SLC29A3: variants seen among roughly 807,000 people sequenced by gnomAD.
SLC29A3 encodes the protein solute carrier family 29 member 3.
In SLC29A3, 18 loss-of-function variants were observed where a neutral mutation model predicts 25.4. The ratio of observed to expected loss-of-function variants is 0.71; its 90% confidence interval spans 0.49 to 1.05. The LOEUF (loss-of-function observed/expected upper bound fraction) is 1.05. Among genes scored for constraint, SLC29A3 ranks in the 50% least tolerant of loss-of-function variants. The probability of loss-of-function intolerance (pLI) is 0.00; values close to 1 mark genes in which losing one functional copy is unlikely to be tolerated. For synonymous variants in SLC29A3, 258 were observed against 267.1 expected, an observed-to-expected ratio of 0.97 and a Z score of 0.33; for missense variants, 586 against 609.0, an observed-to-expected ratio of 0.96 and a Z score of 0.40.
At chr10:71,351,956 A>G (rs1426242205) in intron 4 of SLC29A3, among the ~76,000 whole-genome samples, 168 bp downstream of exon 4, 2 of 152,152 alleles carry the variant, frequency 1.3e-5, no homozygotes, top group Non-Finnish European at 2.9e-5. Context: ...TCTACTACTC[A>G]CAAATTTGCA....
downstream of SLC29A3, among the ~76,000 whole-genome samples, chr10:71,367,809 T>C (rs536146317): frequency 2.1e-4 from 32 of 152,316 alleles, no homozygotes; most frequent in East Asian, 5.2e-3. Context: ...GGCCACAGCA[T>C]AGGGCCAAGG....
intron 2 of SLC29A3, among the ~76,000 whole-genome samples, chr10:71,337,343 A>G (rs1278327587): frequency 6.6e-6 from 1 of 152,232 alleles, no homozygotes; most frequent in African/African-American, 2.4e-5. Flanking sequence ...TGCCCAGGGC[A>G]AGGGCACCTC....
chr10:71,362,959 C>G lies in SLC29A3; in HGVS notation c.*351C>G, dbSNP rs763932995. On this transcript the variant is annotated 3_prime_UTR_variant, in exon 6 of 6. Transcript: ENST00000373189. ...AGTTATTACAAAGCCAGTGCCAAAA[C>G]CCAGCCATGGGCTCTTTGCAACCTC... The G allele has an allele frequency of 4.1e-5, 20 of 491,144 alleles. No homozygotes were observed. The highest frequency in any genetic ancestry group is 3.1e-4 in the South Asian group (20 of 64,812). 30.4% of individuals were successfully genotyped at this position (491,144 alleles called of 1,614,324 possible). A position where few individuals can be genotyped will look rare whatever the true frequency, so the allele number is the denominator to read the frequency against.
exon 5 of SLC29A3, chr10:71,381,005 G>A (rs1847298785): frequency 6.6e-6 from 1 of 152,134 alleles, no homozygotes; most frequent in South Asian, 2.1e-4. Flanking sequence ...GGTCAATCTT[G>A]TTTTATCTCT....
Position 71,356,156 on chromosome 10 carries a change from G to A in SLC29A3, c.686G>A (p.Ser229Asn). ...GCTGCATCCAGTGATGTGAGGAACAGCGCCCTGGCCTTCTTCCTGACGGCC... is the reference window on the plus strand; with the variant it reads ...GCTGCATCCAGTGATGTGAGGAACAACGCCCTGGCCTTCTTCCTGACGGCC... ...DLAASSDVRNSALAFFLTATV... is the reference protein window; with the variant it reads ...DLAASSDVRNNALAFFLTATV... Residue 229 changes from serine to asparagine, a missense_variant, in exon 5 of 6, where the codon AGC (serine) becomes AAC (asparagine). Transcript: ENST00000373189. 1 of 1,614,164 alleles carries A rather than the reference G, an allele frequency of 6.2e-7. No homozygotes were observed. The highest frequency in any genetic ancestry group is 8.5e-7 in the Non-Finnish European group (1 of 1,180,026).
rs1846768370 is a variant in SLC29A3 at position 71,351,732 on chromosome 10, G to A, written c.554G>A (p.Ser185Asn). 1 of 1,614,028 alleles carries A rather than the reference G, an allele frequency of 6.2e-7. No individual in the cohort carries two copies. Among genetic ancestry groups the A allele is most frequent in the Non-Finnish European group, 8.5e-7 (1 of 1,180,046 alleles). ...LSGASTVFSS[S>N]IYGMTGSFPM... ...GGTGCCTCCACTGTCTTCAGCAGCA[G>A]CATCTACGGCATGACCGGCTCCTTT... The change falls in exon 4 of 6, where the codon AGC becomes AAC. Residue 185 changes from serine (S) to asparagine (N), a missense_variant. Physicochemically the swap from Ser to Asn is conservative, Grantham distance 46 (BLOSUM62 1). Coordinates refer to ENST00000373189, the MANE Select transcript of SLC29A3 (RefSeq NM_018344.6).
At chr10:71,378,410 C>T (rs572988268) in intron 4 of SLC29A3, among the ~76,000 whole-genome samples, 2 of 152,096 alleles carry the variant, frequency 1.3e-5, no homozygotes, top group South Asian at 4.1e-4. Context: ...GCCATAGGAG[C>T]GATTTTAGCC....
chr10:71,329,457 C>CGAAA lies in SLC29A3; in HGVS notation c.300+6403_300+6404insGAAA, dbSNP rs3059614. Among the ~76,000 whole-genome samples, 253 of 120,406 alleles carry CGAAA rather than the reference C, an allele frequency of 2.1e-3. 7 individuals are homozygous for CGAAA. Among genetic ancestry groups the CGAAA allele is most frequent in the Non-Finnish European group, 1.9e-3 (104 of 56,000 alleles). 79.0% of individuals were successfully genotyped at this position (120,406 alleles called of 152,430 possible). On this transcript the variant is annotated intron_variant, in intron 2 of 5. Coordinates refer to ENST00000373189, the MANE Select transcript of SLC29A3 (RefSeq NM_018344.6). ...TGGGCAACAGAGCAAGACTCTGTCT[C>CGAAA]AAAAAAAAAAAAAAAAGAAAAGAAA...
chr10:71,364,419 A>G (rs1847147198), downstream of SLC29A3: 1 of 152,182 alleles, frequency 6.6e-6, no homozygotes, highest in Non-Finnish European at 1.5e-5. Flanking sequence ...ATCTCCTGAC[A>G]TGAAGAGTAA....
chr10:71,376,542 A>G (rs1847252952), intron 4 of SLC29A3, among the ~76,000 whole-genome samples: 1 of 152,222 alleles, frequency 6.6e-6, no homozygotes, highest in African/African-American at 2.4e-5. Context: ...ACCAATAACA[A>G]TGTCACTTAT....
intron 2 of SLC29A3, among the ~76,000 whole-genome samples, chr10:71,338,144 T>C (rs988764603): frequency 1.3e-5 from 2 of 152,160 alleles, no homozygotes; most frequent in African/African-American, 4.8e-5. Flanking sequence ...CCAGTCTGGG[T>C]GAGGCCCCCA....
intron 3 of SLC29A3, among the ~76,000 whole-genome samples, chr10:71,346,647 G>T (rs1397741926): frequency 1.3e-5 from 2 of 152,222 alleles, no homozygotes; most frequent in Non-Finnish European, 2.9e-5. Flanking sequence ...CAAGTCTGCA[G>T]TGAGCTATGG....
intron 2 of SLC29A3, among the ~76,000 whole-genome samples, chr10:71,329,838 A>G (rs140816334): frequency 6.6e-6 from 1 of 152,370 alleles, no homozygotes; most frequent in Non-Finnish European, 1.5e-5. Flanking sequence ...GGCAAAGGCT[A>G]CATCATGAGA....
chr10:71,347,137 G>A lies in SLC29A3; in HGVS notation c.383+2846G>A, dbSNP rs148792580. 9.5e-3 allele frequency among the ~76,000 whole-genome samples: 1,447 copies of A among 152,288 alleles called. 23 individuals carry two copies. The highest frequency in any genetic ancestry group is 0.032 in the African/African-American group (1,317 of 41,558). On this transcript the variant is annotated intron_variant, in intron 3 of 5. Transcript: ENST00000373189. ...CTAAGCTGTTTTTTATTTAATGTGCGAGATTGAAAAGTCTCCTTTTCTCCC... is the reference window on the plus strand; with the variant it reads ...CTAAGCTGTTTTTTATTTAATGTGCAAGATTGAAAAGTCTCCTTTTCTCCC...
intron 3 of SLC29A3, among the ~76,000 whole-genome samples, chr10:71,373,855 G>T (rs1847229862): frequency 6.6e-6 from 1 of 152,172 alleles, no homozygotes; most frequent in South Asian, 2.1e-4. Flanking sequence ...GGCACACCTG[G>T]GTGCAAGGAA....
chr10:71,344,131 G>GC, intron 2 of SLC29A3, 78 bp from the exon 3 acceptor site: 1 of 1,149,978 alleles, frequency 8.7e-7, no homozygotes, highest in Non-Finnish European at 1.3e-6. Context: ...ACAGAGAGGG[G>GC]CCCTGTCTCT....
At chr10:71,363,808 C>CTTTTTTTTTTTTTTTTTTT (rs71012277), downstream of SLC29A3, among the ~76,000 whole-genome samples, 116 of 103,712 alleles carry the variant, frequency 1.1e-3, 10 homozygotes, top group South Asian at 1.9e-3. Context: ...TTTCCTTTTT[C>CTTTTTTTTTTTTTTTTTTT]TTTTCTTTTT....
chr10:71,371,172 T>C (rs1276309324), intron 3 of SLC29A3, among the ~76,000 whole-genome samples: 1 of 152,194 alleles, frequency 6.6e-6, no homozygotes, highest in Non-Finnish European at 1.5e-5. Context: ...GTCTTACTGA[T>C]TGCTGTTCCG....
At chr10:71,343,705 T>C (rs1375966804) in intron 2 of SLC29A3, among the ~76,000 whole-genome samples, 1 of 152,156 alleles carries the variant, frequency 6.6e-6, no homozygotes, top group Non-Finnish European at 1.5e-5. Flanking sequence ...ACCAGCACTT[T>C]GCGGGGCCAA....
Sources: allele counts gnomAD v4.1 joint callset (sites outside exome capture counted in the v4.1 genomes callset), GRCh38; gene constraint gnomAD v4.1.1; transcripts MANE v1.5; gene names NCBI Gene and HGNC (gene_info 2026-07-23, HGNC 2026-07-21).